ZNF483: variants seen among roughly 807,000 people sequenced by gnomAD.
ZNF483 encodes the protein zinc finger protein 483.
ZNF483 carries 9 observed loss-of-function variants against 28.6 expected under a neutral mutation model. The ratio of observed to expected loss-of-function variants is 0.32; its 90% CI spans 0.19 to 0.55. ZNF483 has a LOEUF of 0.55. Among genes scored for constraint, ZNF483 ranks in the 20% least tolerant of loss-of-function variants. The probability of loss-of-function intolerance (pLI) is 0.93; values close to 1 mark genes in which losing one functional copy is unlikely to be tolerated. For synonymous variants in ZNF483, 322 were observed against 306.2 expected (o/e 1.05, Z -0.54); for missense variants, 675 against 871.7 (o/e 0.77, Z 2.84).
At position 111,554,016 on chromosome 9, in the gene ZNF483, A is replaced by G. The variant is rs550027649; in HGVS notation, c.*10846A>G. ...AACTGGAGCATTGTGCAGTGTTTTT[A>G]AGCACTAGCCTAGAAACAGCTGAGA... On this transcript the variant is annotated 3_prime_UTR_variant, in exon 6 of 6. Transcript: ENST00000309235. Among the ~76,000 whole-genome samples, 28 of 152,312 alleles carry G rather than the reference A, an allele frequency of 1.8e-4. No individual in the cohort carries two copies. The highest frequency in any genetic ancestry group is 1.2e-3 in the Admixed American group (18 of 15,298).
At chr9:111,525,366 C>T (rs905357753) in intron 1 of ZNF483, 104 bp downstream of exon 1, 1 of 152,292 alleles carries the variant, frequency 6.6e-6, no homozygotes, top group Non-Finnish European at 1.5e-5. Context: ...TACCAACGGG[C>T]TGTGCGCTGC....
chr9:111,551,948 T>G lies in ZNF483; in HGVS notation c.*8778T>G, dbSNP rs111825766. Among the ~76,000 whole-genome samples, 1 of 152,080 alleles carries G rather than the reference T, an allele frequency of 6.6e-6. No individual in the cohort carries two copies. The highest frequency in any genetic ancestry group is 2.4e-5 in the African/African-American group (1 of 41,446). On this transcript the variant is annotated 3_prime_UTR_variant, in exon 6 of 6. Coordinates refer to ENST00000309235, the MANE Select transcript of ZNF483 (RefSeq NM_133464.5). ...CAGCCATTTATTACATTTAAAATTT[T>G]GTGCATATTGTCTCATTTGAAAAAT... is the stretch of plus-strand genomic sequence containing the variant.
rs1484138275 is a variant in ZNF483 at position 111,543,717 on chromosome 9, C to T, written c.*547C>T. On this transcript the variant is annotated 3_prime_UTR_variant, in exon 6 of 6. Coordinates refer to ENST00000309235, the MANE Select transcript of ZNF483 (RefSeq NM_133464.5). ...TTTATTTGTCATTACTTTCAAGTTT[C>T]TCTAGTAAAAAATACAATACCACTA... 6.2e-6 allele frequency: 6 copies of T among 963,762 alleles called. No homozygotes were observed. In the African/African-American group the frequency reaches 1.1e-4, roughly 17 times the overall value. 59.7% of individuals were successfully genotyped at this position (963,762 alleles called of 1,614,324 possible). A position where few individuals can be genotyped will look rare whatever the true frequency, so the allele number is the denominator to read the frequency against.
rs558019974 is a variant in ZNF483 at position 111,561,659 on chromosome 9, T to C, written c.722-14706T>C. On this transcript the variant is annotated intron_variant, in intron 5 of 5. Coordinates refer to the ZNF483 transcript ENST00000358151. Reference sequence around the variant, plus strand: ...GTTATCTTTTGTGCAGCTCTGTGAATGACAGATTCCTTCTTTGGTGTGTTG... The same window carrying C: ...GTTATCTTTTGTGCAGCTCTGTGAACGACAGATTCCTTCTTTGGTGTGTTG... Among the ~76,000 whole-genome samples the C allele has an allele frequency of 3.3e-5, 5 of 152,320 alleles. No homozygotes were observed. The South Asian group carries it at 1.0e-3, about 32-fold the overall frequency.
At chr9:111,574,506 A>C in intron 5 of ZNF483, 2 of 290,978 alleles carry the variant, frequency 6.9e-6, no homozygotes, top group Non-Finnish European at 6.4e-6. Flanking sequence ...ACACCACCAC[A>C]CCCAGCTTAT....
intron 5 of ZNF483, among the ~76,000 whole-genome samples, chr9:111,540,810 C>T (rs1466244815): frequency 2.0e-5 from 3 of 152,138 alleles, no homozygotes; most frequent in Non-Finnish European, 2.9e-5. Flanking sequence ...GCTTTGGTTT[C>T]AGACTAAGTT....
At chr9:111,534,408 T>G (rs1031395456) in intron 5 of ZNF483, 55 bp downstream of exon 5, 15 of 1,443,830 alleles carry the variant, frequency 1.0e-5, no homozygotes, top group Non-Finnish European at 1.4e-5. Context: ...GCAAGTCTGT[T>G]GAGAAGACTC....
rs1305285861 is a variant in ZNF483 at position 111,554,512 on chromosome 9, A to C, written c.*11342A>C. 4.6e-5 allele frequency among the ~76,000 whole-genome samples: 7 copies of C among 152,092 alleles called. No homozygotes were observed. Among genetic ancestry groups the C allele is most frequent in the Non-Finnish European group, 2.9e-5 (2 of 68,010 alleles). On this transcript the variant is annotated 3_prime_UTR_variant, in exon 6 of 6. Coordinates refer to ENST00000309235, the MANE Select transcript of ZNF483 (RefSeq NM_133464.5). ...TTATCCATGGGGGATATGCTCCAAG[A>C]CCTCGAGTGGATGCCTGCAACCTCA...
At position 111,553,172 on chromosome 9, in the gene ZNF483, T is replaced by C. The variant is rs1828021102; in HGVS notation, c.*10002T>C. Among the ~76,000 whole-genome samples, 1 of 152,192 alleles carries C rather than the reference T, an allele frequency of 6.6e-6. No individual in the cohort carries two copies. On this transcript the variant is annotated 3_prime_UTR_variant, in exon 6 of 6. Transcript: ENST00000309235. ...AAATATTGTCTTAAGTATTATCTACTATGTATCTTTAACACTTTTGAATAG... is the reference window on the plus strand; with the variant it reads ...AAATATTGTCTTAAGTATTATCTACCATGTATCTTTAACACTTTTGAATAG...
chr9:111,563,995 T>C (rs10739316), intron 5 of ZNF483: 119,762 of 162,428 alleles, frequency 0.74, 45,128 homozygotes, highest in African/African-American at 0.88. Flanking sequence ...AAGGTTCTTT[T>C]AACATGTGTT....
At position 111,570,307 on chromosome 9, in the gene ZNF483, G is replaced by T. The variant is rs953416997; in HGVS notation, c.722-6058G>T. 374 of 1,470,448 alleles carry T rather than the reference G, an allele frequency of 2.5e-4. 1 individual carries two copies. The highest frequency in any genetic ancestry group is 4.9e-5 in the Non-Finnish European group (54 of 1,111,904). 91.1% of individuals were successfully genotyped at this position (1,470,448 alleles called of 1,614,324 possible). On this transcript the variant is annotated intron_variant, in intron 5 of 5. Transcript: ENST00000358151. ...ACTGTCACTGTGCTTGGTGCTGGGA[G>T]TTTTTTGGTGCTTCTCCCCTTCCAT...
At chr9:111,563,203 A>G (rs1219565832) in intron 5 of ZNF483, 3 of 1,613,882 alleles carry the variant, frequency 1.9e-6, no homozygotes, top group Admixed American at 1.7e-5. Context: ...AAATCCTTCA[A>G]TGATATATTC....
intron 5 of ZNF483, among the ~76,000 whole-genome samples, chr9:111,565,691 T>C (rs1828531100): frequency 1.3e-5 from 2 of 152,106 alleles, no homozygotes; most frequent in South Asian, 4.2e-4. Context: ...ACCCAGCTAA[T>C]TTTTTAACTT....
chr9:111,574,872 A>G (rs1159518195), intron 5 of ZNF483: 2 of 1,483,262 alleles, frequency 1.3e-6, no homozygotes, highest in Non-Finnish European at 1.9e-6. Context: ...AAAATGTTAA[A>G]TAATCTAAAT....
Position 111,551,052 on chromosome 9 carries a change from T to C in ZNF483, c.*7882T>C, listed in dbSNP as rs1327765621. Among the ~76,000 whole-genome samples the C allele has an allele frequency of 6.6e-6, 1 of 152,260 alleles. No homozygotes were observed. Among genetic ancestry groups the C allele is most frequent in the Non-Finnish European group, 1.5e-5 (1 of 68,046 alleles). ...ACTTCAGCACCATCCAACAGTAATA[T>C]AATGTGAGCCACATACATAATTTCA... is the stretch of plus-strand genomic sequence containing the variant. On this transcript the variant is annotated 3_prime_UTR_variant, in exon 6 of 6. Transcript: ENST00000309235.
At position 111,542,184 on chromosome 9, in the gene ZNF483, C is replaced by T. The variant is rs891873229; in HGVS notation, c.1249C>T (p.Arg417Trp). 17 of 1,613,656 alleles carry T rather than the reference C, an allele frequency of 1.1e-5. No individual in the cohort carries two copies. Among genetic ancestry groups the T allele is most frequent in the Middle Eastern group, 1.6e-4 (1 of 6,084 alleles). The change falls in exon 6 of 6, where the codon CGG becomes TGG. Residue 417 changes from arginine (R) to tryptophan (W), a missense_variant. Physicochemically the swap from Arg to Trp is moderately radical, Grantham distance 101. Transcript: ENST00000309235. This position sits in a 1 kb window ranked among gnomAD's most constrained non-coding sequence, Gnocchi z 6.2. ...AAAAACCCCTATGTGTGAGAAATGT[C>T]GGAAAGATTCATGTCAAGAAGCAGC... is the stretch of plus-strand genomic sequence containing the variant. ...RRKTPMCEKC[R>W]KDSCQEAALN...
At chr9:111,540,969 CTTACT>C (rs1223100388) in intron 5 of ZNF483, among the ~76,000 whole-genome samples, 1 of 151,952 alleles carries the variant, frequency 6.6e-6, no homozygotes. Flanking sequence ...GTGTATTGTA[CTTACT>C]TGTATTACAC....
chr9:111,576,935 A>G (rs1411602137), exon 6 of ZNF483: 1 of 152,262 alleles, frequency 6.6e-6, no homozygotes, highest in Non-Finnish European at 1.5e-5. Context: ...TATTTAAAAT[A>G]CAAAAATTAG....
At chr9:111,539,137 A>C (rs952289621) in intron 5 of ZNF483, among the ~76,000 whole-genome samples, 21 of 133,912 alleles carry the variant, frequency 1.6e-4, no homozygotes, top group East Asian at 6.2e-4. Flanking sequence ...AAAAAAAAAA[A>C]ACCTCATTCA....
Sources: gnomAD v4.1 joint callset for allele counts (sites outside exome capture counted in the v4.1 genomes callset) on GRCh38, gnomAD v4.1.1 for gene constraint, Gnocchi (gnomAD v3.1) non-coding constraint, MANE v1.5 for transcripts, NCBI Gene and HGNC (gene_info 2026-07-23, HGNC 2026-07-21) for gene names.